Variants in AGA observed in about 807,000 individuals in gnomAD.
AGA encodes the protein aspartylglucosaminidase.
AGA carries 31 observed loss-of-function variants against 40.1 expected under a neutral mutation model. The ratio of observed to expected loss-of-function variants is 0.77; its 90% CI spans 0.58 to 1.04. The LOEUF (loss-of-function observed/expected upper bound fraction) is 1.04, where lower values mean the gene tolerates loss of function less well. Ranked by LOEUF, AGA falls within the 50% of genes least tolerant of loss-of-function variation. The pLI is 0.00. For synonymous variants in AGA, 148 were observed against 144.0 expected (o/e 1.03, Z -0.20); for missense variants, 445 against 435.4 (o/e 1.02, Z -0.20).
At chr4:177,440,917 G>T (rs931843913) in intron 1 of AGA, among the ~76,000 whole-genome samples, 4 of 152,270 alleles carry the variant, frequency 2.6e-5, no homozygotes, top group African/African-American at 9.6e-5. Context: ...ACTTCATATG[G>T]ATTAGTTCAT....
At chr4:177,439,524 G>A in intron 3 of AGA, 52 bp downstream of exon 3, 1 of 1,309,988 alleles carries the variant, frequency 7.6e-7, no homozygotes, top group Middle Eastern at 1.8e-4. Context: ...ATTTTTCAGT[G>A]AAAACTATAG....
chr4:177,436,476 A>G, intron 5 of AGA, 125 bp from the exon 6 acceptor site: 2 of 798,828 alleles, frequency 2.5e-6, no homozygotes, highest in South Asian at 2.9e-5. Flanking sequence ...ATTCATGTCA[A>G]CATCCTATTC....
At chr4:177,431,857 A>T in intron 8 of AGA, 49 bp from the exon 9 acceptor site, 5 of 1,443,350 alleles carry the variant, frequency 3.5e-6, no homozygotes, top group Non-Finnish European at 4.9e-6. Flanking sequence ...GGATGCACAT[A>T]TTTATAACCA....
At chr4:177,439,298 T>C (rs1736918292) in intron 3 of AGA, among the ~76,000 whole-genome samples, 1 of 152,160 alleles carries the variant, frequency 6.6e-6, no homozygotes, top group Non-Finnish European at 1.5e-5. Flanking sequence ...GGAGAATCAC[T>C]TGAACCCAGG....
chr4:177,434,574 C>T, intron 6 of AGA, 85 bp from the exon 7 acceptor site: 4 of 1,091,634 alleles, frequency 3.7e-6, no homozygotes, highest in Non-Finnish European at 5.7e-6. Flanking sequence ...AGGGATAGTT[C>T]CACTTAGCCT....
Position 177,436,349 on chromosome 4 carries a change from T to A in AGA, c.625A>T (p.Met209Leu). 1 of 1,612,442 alleles carries A rather than the reference T, an allele frequency of 6.2e-7. No homozygotes were observed. Among genetic ancestry groups the A allele is most frequent in the South Asian group, 1.1e-5 (1 of 91,060 alleles). The change falls in exon 6 of 9, where the codon ATG (methionine) becomes TTG (leucine). Residue 209 changes from methionine to leucine, a missense_variant and splice_region_variant. Coordinates refer to ENST00000264595, the MANE Select transcript of AGA (RefSeq NM_000027.4). ...TGTCCTGTCTTATGGATTACAACCA[T>A]GCCTAGAAGTTAAAAAAAAAAAATC... ...EDDRGHDTIG[M>L]VVIHKTGHIA...
At position 177,437,490 on chromosome 4, in the gene AGA, G is replaced by T. The variant is rs748171793; in HGVS notation, c.537C>A (p.Cys179Ter). 4 of 1,611,436 alleles carry T rather than the reference G, an allele frequency of 2.5e-6. No individual in the cohort carries two copies. The highest frequency in any genetic ancestry group is 3.4e-6 in the Non-Finnish European group (4 of 1,177,786). The change falls in exon 5 of 9, where the codon TGC becomes TGA. Residue 179 changes from cysteine (C) to a stop codon, truncating the protein, a stop_gained. Transcript: ENST00000264595. LOFTEE classifies it high-confidence loss of function. ...AGATACCAGGTGGTTTGTAGGGTCC[G>T]CAGTATTTTGAGGGATCTGGTATAA... is the stretch of plus-strand genomic sequence containing the variant. ...RNVIPDPSKY[C>*]GPYKPPGILK...
At position 177,437,501 on chromosome 4, in the gene AGA, A is replaced by G; in HGVS notation, c.526T>C (p.Ser176Pro). The change falls in exon 5 of 9, where the codon TCA becomes CCA. Residue 176 changes from serine to proline, a missense_variant. Physicochemically the swap from Ser to Pro is moderately conservative, Grantham distance 74 (BLOSUM62 -1). Coordinates refer to ENST00000264595, the MANE Select transcript of AGA (RefSeq NM_000027.4). ...NYWRNVIPDPSKYCGPYKPPG... is the reference protein window; with the variant it reads ...NYWRNVIPDPPKYCGPYKPPG... Reference sequence around the variant, plus strand: ...GGTTTGTAGGGTCCGCAGTATTTTGAGGGATCTGGTATAACATTCTGTAAA... The same window carrying G: ...GGTTTGTAGGGTCCGCAGTATTTTGGGGGATCTGGTATAACATTCTGTAAA... 1 of 1,609,026 alleles carries G rather than the reference A, an allele frequency of 6.2e-7. No homozygotes were observed. The highest frequency in any genetic ancestry group is 2.2e-5 in the East Asian group (1 of 44,762).
At position 177,442,319 on chromosome 4, in the gene AGA, G is replaced by C. The variant is rs1737062444; in HGVS notation, c.57C>G (p.Ala19=). ...VLLVPFLLCQ[A]LVRCSSPLPL... ...GCAGAGGGCTGGAGCAGCGCACTAG[G>C]GCCTGGCAGAGCAGAAACGGCACGA... The change falls in exon 1 of 9, where the codon GCC becomes GCG. Residue 19 remains alanine (A), a synonymous_variant. Coordinates refer to ENST00000264595, the MANE Select transcript of AGA (RefSeq NM_000027.4). The C allele has an allele frequency of 1.9e-6, 3 of 1,614,112 alleles. No individual in the cohort carries two copies. Among genetic ancestry groups the C allele is most frequent in the Non-Finnish European group, 2.5e-6 (3 of 1,179,964 alleles).
intron 1 of AGA, among the ~76,000 whole-genome samples, chr4:177,441,350 C>T (rs1475526187): frequency 6.6e-6 from 1 of 152,108 alleles, no homozygotes; most frequent in Non-Finnish European, 1.5e-5. Context: ...AATTCTGGAG[C>T]CAATTCTGCC....
chr4:177,432,522 G>A (rs1736663957), intron 8 of AGA, among the ~76,000 whole-genome samples: 1 of 152,032 alleles, frequency 6.6e-6, no homozygotes, highest in African/African-American at 2.4e-5. Flanking sequence ...AAAGAATAAA[G>A]CATTCCTCAA....
Position 177,434,369 on chromosome 4 carries a change from TAAG to T in AGA, c.806+10_806+12del. On this transcript the variant is annotated intron_variant, in intron 7 of 8. Coordinates refer to ENST00000264595, the MANE Select transcript of AGA (RefSeq NM_000027.4). ...CCAAAGGTCTCTAAAATTCACAAAC[TAAG>T]AAGTCATACCTTGGCAGGAAGCGCA... 1 of 1,610,620 alleles carries T rather than the reference TAAG, an allele frequency of 6.2e-7. No homozygotes were observed. Among genetic ancestry groups the T allele is most frequent in the Non-Finnish European group, 8.5e-7 (1 of 1,177,286 alleles).
Position 177,436,333 on chromosome 4 carries a change from T to G in AGA, c.641A>C (p.Lys214Thr), listed in dbSNP as rs759903678. 1 of 1,613,600 alleles carries G rather than the reference T, an allele frequency of 6.2e-7. No homozygotes were observed. Among genetic ancestry groups the G allele is most frequent in the South Asian group, 1.1e-5 (1 of 91,064 alleles). The change falls in exon 6 of 9, where the codon AAG becomes ACG. Residue 214 changes from lysine to threonine, a missense_variant. Lys to Thr is a moderately conservative substitution (Grantham distance 78). Transcript: ENST00000264595. The part of the protein sequence containing the change: ...HDTIGMVVIH[K>T]TGHIAAGTST... ...TGTACCAGCAGCAATATGTCCTGTC[T>G]TATGGATTACAACCATGCCTAGAAG...
At chr4:177,433,097 C>T in intron 8 of AGA, 117 bp downstream of exon 8, 1 of 1,427,276 alleles carries the variant, frequency 7.0e-7, no homozygotes. Context: ...TCAATGCCCA[C>T]TTAAGGAGTC....
chr4:177,434,804 A>C (rs888820544), intron 6 of AGA, among the ~76,000 whole-genome samples: 2 of 152,268 alleles, frequency 1.3e-5, no homozygotes, highest in African/African-American at 4.8e-5. Flanking sequence ...AAGGACACAC[A>C]ATTCCAGTTA....
intron 7 of AGA, 142 bp from the exon 8 acceptor site, chr4:177,433,489 G>T: frequency 1.1e-6 from 1 of 919,612 alleles, no homozygotes; most frequent in Non-Finnish European, 1.7e-6. Context: ...GGTTACTTCT[G>T]TTAAAGCATC....
chr4:177,436,509 G>A (rs1736825787), intron 5 of AGA, among the ~76,000 whole-genome samples, 158 bp from the exon 6 acceptor site: 2 of 152,152 alleles, frequency 1.3e-5, no homozygotes, highest in South Asian at 4.1e-4. Context: ...GTATCAAGAG[G>A]TGAGGCCTTT....
At chr4:177,435,953 C>T (rs1453062347) in intron 6 of AGA, among the ~76,000 whole-genome samples, 4 of 151,044 alleles carry the variant, frequency 2.6e-5, no homozygotes, top group Non-Finnish European at 5.9e-5. Context: ...AACACACACA[C>T]ACATATACAC....
chr4:177,432,732 C>G (rs1736670709), intron 8 of AGA, among the ~76,000 whole-genome samples: 1 of 152,122 alleles, frequency 6.6e-6, no homozygotes, highest in Admixed American at 6.5e-5. Context: ...AAGTGAAAGA[C>G]AAGCCTCAAA....
Sources: allele counts gnomAD v4.1 joint callset (sites outside exome capture counted in the v4.1 genomes callset), GRCh38; gene constraint gnomAD v4.1.1; transcripts MANE v1.5; gene names NCBI Gene and HGNC (gene_info 2026-07-23, HGNC 2026-07-21).